The following NUSAP1 variants were observed in gnomAD, a reference collection of about 807,000 sequenced individuals.
The protein encoded by NUSAP1 is nucleolar and spindle associated protein 1, also known as nucleolar and spindle-associated protein 1.
In NUSAP1, 32 loss-of-function variants were observed where a neutral mutation model predicts 52.8. That is an observed-to-expected ratio of 0.61 (90% CI 0.46 to 0.81). NUSAP1 has a LOEUF of 0.81. Among genes scored for constraint, NUSAP1 ranks in the 40% least tolerant of loss-of-function variants. The probability of loss-of-function intolerance (pLI) is 0.00; values close to 1 mark genes in which losing one functional copy is unlikely to be tolerated. For missense variants in NUSAP1, 499 were observed against 522.3 expected, an observed-to-expected ratio of 0.96 and a Z score of 0.43; for synonymous variants, 195 against 183.1, an observed-to-expected ratio of 1.06 and a Z score of -0.52.
chr15:41,378,541 T>C (rs189930339), intron 10 of NUSAP1, among the ~76,000 whole-genome samples: 1 of 152,156 alleles, frequency 6.6e-6, no homozygotes, highest in African/African-American at 2.4e-5. Context: ...ATCCCAGTAC[T>C]CTGGGAGGCC....
intron 1 of NUSAP1, among the ~76,000 whole-genome samples, chr15:41,333,357 A>G (rs991922272): frequency 6.6e-6 from 1 of 152,098 alleles, no homozygotes; most frequent in Non-Finnish European, 1.5e-5. Flanking sequence ...CAGGGCGTCG[A>G]TTACGAAACT....
chr15:41,346,602 G>A (rs931846203), intron 2 of NUSAP1, among the ~76,000 whole-genome samples: 2 of 152,050 alleles, frequency 1.3e-5, no homozygotes, highest in Admixed American at 1.3e-4. Flanking sequence ...GCCGAGGTGG[G>A]TGGATCACGA....
intron 6 of NUSAP1, among the ~76,000 whole-genome samples, chr15:41,363,116 G>A (rs1358767954): frequency 2.0e-5 from 3 of 151,784 alleles, no homozygotes; most frequent in Admixed American, 6.6e-5. Flanking sequence ...GCGAAACCCC[G>A]TCTGTACTAA....
At chr15:41,376,515 G>T (rs985301529) in intron 9 of NUSAP1, among the ~76,000 whole-genome samples, 1 of 150,512 alleles carries the variant, frequency 6.6e-6, no homozygotes, top group African/African-American at 2.4e-5. Flanking sequence ...TTGAAACCCC[G>T]TCTCTACCAA....
At chr15:41,357,348 A>G (rs1014905057) in intron 5 of NUSAP1, among the ~76,000 whole-genome samples, 7 of 152,040 alleles carry the variant, frequency 4.6e-5, no homozygotes, top group Non-Finnish European at 8.8e-5. Context: ...AGCCTGGGCA[A>G]TAGAGCAAGA....
In NUSAP1 at chr15:41,349,231, C is replaced by G; in HGVS notation, c.296C>G (p.Pro99Arg). 1 of 1,613,146 alleles carries G rather than the reference C, an allele frequency of 6.2e-7. No homozygotes were observed. Among genetic ancestry groups the G allele is most frequent in the Non-Finnish European group, 8.5e-7 (1 of 1,179,562 alleles). ...AGGTGCAAGACTGTCCGTGTGGACC[C>G]TGACTCACAGGTGAATGGAAATATA... The part of the protein sequence containing the change: ...RRRCKTVRVD[P>R]DSQQNHSEIK... Residue 99 changes from proline to arginine, a missense_variant, in exon 3 of 11, where the codon CCT (proline) becomes CGT (arginine). Coordinates refer to ENST00000559596, the MANE Select transcript of NUSAP1 (RefSeq NM_016359.5).
At chr15:41,335,226 A>G (rs2048073010) in intron 1 of NUSAP1, among the ~76,000 whole-genome samples, 1 of 148,758 alleles carries the variant, frequency 6.7e-6, no homozygotes, top group Non-Finnish European at 1.5e-5. Flanking sequence ...TAAATATACT[A>G]GTATAATTAT....
intron 10 of NUSAP1, among the ~76,000 whole-genome samples, chr15:41,377,616 G>A (rs902918101): frequency 6.1e-5 from 9 of 146,596 alleles, no homozygotes; most frequent in East Asian, 2.1e-4. Flanking sequence ...GGAGAATGGC[G>A]TGAACCCAGG....
At chr15:41,368,363 G>C (rs1044735189) in intron 7 of NUSAP1, among the ~76,000 whole-genome samples, 3 of 152,140 alleles carry the variant, frequency 2.0e-5, no homozygotes, top group African/African-American at 7.2e-5. Flanking sequence ...GATGCCTAAG[G>C]AGAAACTTTT....
At position 41,380,152 on chromosome 15, in the gene NUSAP1, G is replaced by A; in HGVS notation, c.1292G>A (p.Gly431Glu). 7 of 1,585,852 alleles carry A rather than the reference G, an allele frequency of 4.4e-6. No homozygotes were observed. The highest frequency in any genetic ancestry group is 6.0e-6 in the Non-Finnish European group (7 of 1,165,932). ...ERKEKKAKVL[G>E]MRRGLILAED Reference sequence around the variant, plus strand: ...AAGGAGAAGAAAGCAAAGGTTTTGGGAATGCGAAGGGGCCTCATTTTGGCT... The same window carrying A: ...AAGGAGAAGAAAGCAAAGGTTTTGGAAATGCGAAGGGGCCTCATTTTGGCT... The change falls in exon 11 of 11, where the codon GGA (glycine) becomes GAA (glutamate). Residue 431 changes from glycine to glutamate, a missense_variant. Transcript: ENST00000559596.
Position 41,350,356 on chromosome 15 carries a change from A to G in NUSAP1, c.307-632A>G, listed in dbSNP as rs555610488. ...CTTGTAGCTGCATTAAAAGAAAAAC[A>G]AGAACTGGCTAAATACAGACATTTG... On this transcript the variant is annotated intron_variant, in intron 3 of 10. Coordinates refer to ENST00000559596, the MANE Select transcript of NUSAP1 (RefSeq NM_016359.5). Among the ~76,000 whole-genome samples, 13 of 152,346 alleles carry G rather than the reference A, an allele frequency of 8.5e-5. No individual in the cohort carries two copies. The South Asian group carries it at 2.1e-3, about 24-fold the overall frequency.
chr15:41,375,871 A>AC (rs764766531), intron 9 of NUSAP1, 43 bp downstream of exon 9: 3 of 1,373,468 alleles, frequency 2.2e-6, no homozygotes, highest in Non-Finnish European at 1.0e-6. Flanking sequence ...TAAAATACTT[A>AC]AGATTGGTGG....
At chr15:41,368,890 A>C (rs935082605) in intron 7 of NUSAP1, among the ~76,000 whole-genome samples, 4 of 151,394 alleles carry the variant, frequency 2.6e-5, no homozygotes, top group Admixed American at 6.6e-5. Context: ...GTGCCACTAC[A>C]TTCAGTTAAT....
At chr15:41,345,807 C>T (rs1460507794) in intron 2 of NUSAP1, among the ~76,000 whole-genome samples, 1 of 151,984 alleles carries the variant, frequency 6.6e-6, no homozygotes, top group Non-Finnish European at 1.5e-5. Context: ...CTCTAGTGTT[C>T]TCTGTCTCAT....
At chr15:41,353,464 C>CT (rs756511924) in intron 4 of NUSAP1, among the ~76,000 whole-genome samples, 2 of 152,280 alleles carry the variant, frequency 1.3e-5, no homozygotes, top group East Asian at 3.9e-4. Flanking sequence ...TCTCATGAAA[C>CT]TTTCACCTTC....
At chr15:41,337,055 G>A (rs1390536494) in intron 1 of NUSAP1, among the ~76,000 whole-genome samples, 3 of 118,132 alleles carry the variant, frequency 2.5e-5, no homozygotes, top group African/African-American at 1.0e-4. Context: ...CAGCCAGCCT[G>A]GAGTTCTCTG....
rs763873806 is a variant in NUSAP1 at position 41,342,410 on chromosome 15, A to G, written c.118A>G (p.Lys40Glu). 2 of 1,595,472 alleles carry G rather than the reference A, an allele frequency of 1.3e-6. No individual in the cohort carries two copies. The highest frequency in any genetic ancestry group is 1.7e-6 in the Non-Finnish European group (2 of 1,170,276). ...LRATKLLKAL[K>E]GYIKHEARKG... ...GGCAACCAAGTTGTTAAAAGCCTTGAAAGGCTACATTAAACATGAGGCAAG... is the reference window on the plus strand; with the variant it reads ...GGCAACCAAGTTGTTAAAAGCCTTGGAAGGCTACATTAAACATGAGGCAAG... The change falls in exon 2 of 11, where the codon AAA becomes GAA. Residue 40 changes from lysine (K) to glutamate (E), a missense_variant. Transcript: ENST00000559596.
chr15:41,354,245 G>A (rs568797698), intron 4 of NUSAP1, among the ~76,000 whole-genome samples: 3 of 152,242 alleles, frequency 2.0e-5, no homozygotes, highest in East Asian at 3.9e-4. Context: ...AGTGGCTTAC[G>A]CTTGTAATCC....
At chr15:41,365,622 C>T in intron 7 of NUSAP1, 33 bp downstream of exon 7, 1 of 1,522,318 alleles carries the variant, frequency 6.6e-7, no homozygotes, top group Non-Finnish European at 8.9e-7. Context: ...TAATCATGAA[C>T]AAGATTTCAC....
Sources: gnomAD v4.1 joint callset for allele counts (sites outside exome capture counted in the v4.1 genomes callset) on GRCh38, gnomAD v4.1.1 for gene constraint, MANE v1.5 for transcripts, NCBI Gene and HGNC (gene_info 2026-07-23, HGNC 2026-07-21) for gene names.